The following TNIK variants were observed in gnomAD, a reference collection of about 807,000 sequenced individuals.
The protein encoded by TNIK is TRAF2 and NCK-interacting protein kinase.
Under a neutral mutation model 191.3 loss-of-function variants are expected in TNIK, and 49 were observed. That is an observed-to-expected ratio of 0.26 (90% CI 0.20 to 0.32). The LOEUF (loss-of-function observed/expected upper bound fraction) is 0.32, where lower values mean the gene tolerates loss of function less well. TNIK is among the 10% of genes least tolerant of loss of function. The pLI is 1.00. For synonymous variants in TNIK, 594 were observed against 600.9 expected, an observed-to-expected ratio of 0.99 and a Z score of 0.17; for missense variants, 1,155 against 1,702.3, an observed-to-expected ratio of 0.68 and a Z score of 5.66.
At chr3:171,100,604 A>T (rs376085204) in intron 22 of TNIK, among the ~76,000 whole-genome samples, 1 of 152,060 alleles carries the variant, frequency 6.6e-6, no homozygotes, top group African/African-American at 2.4e-5. Flanking sequence ...ATCTCATTCT[A>T]TCAAAGTTGT....
chr3:171,217,742 C>T (rs1479946135), intron 3 of TNIK, among the ~76,000 whole-genome samples: 4 of 152,044 alleles, frequency 2.6e-5, no homozygotes, highest in South Asian at 2.1e-4. Context: ...TGCAAAATTA[C>T]GACCATGAGA....
At chr3:171,338,848 G>A (rs942996284) in intron 2 of TNIK, among the ~76,000 whole-genome samples, 3 of 152,074 alleles carry the variant, frequency 2.0e-5, no homozygotes, top group Non-Finnish European at 4.4e-5. Context: ...CTACCGTACA[G>A]TGCAGAAGGT....
At position 171,460,064 on chromosome 3, in the gene TNIK, G is replaced by T. The variant is rs372769487; in HGVS notation, c.-1C>A. The T allele has an allele frequency of 6.2e-7, 1 of 1,605,992 alleles. No homozygotes were observed. The highest frequency in any genetic ancestry group is 1.3e-5 in the African/African-American group (1 of 74,898). ...TTCGAGCCGGGGAGTCGCTCGCCAT[G>T]TCTACTTCTTCGCTGGAGAAATGGA... is the stretch of plus-strand genomic sequence containing the variant. On this transcript the variant is annotated 5_prime_UTR_variant, in exon 1 of 33. Transcript: ENST00000436636. The surrounding 1 kb of genome is among the most constrained non-coding windows in gnomAD (Gnocchi z 6.8).
intron 1 of TNIK, among the ~76,000 whole-genome samples, chr3:171,425,962 G>A (rs181146806): frequency 1.3e-5 from 2 of 152,282 alleles, no homozygotes; most frequent in African/African-American, 4.8e-5. Flanking sequence ...TGGTGGGACT[G>A]TAAACTAGTT....
intron 2 of TNIK, among the ~76,000 whole-genome samples, chr3:171,230,308 A>T (rs1743463534): frequency 1.3e-5 from 2 of 152,222 alleles, no homozygotes; most frequent in African/African-American, 4.8e-5. Flanking sequence ...AGTGGACTTT[A>T]AAGTAATGGC....
rs577824108 is a variant in TNIK, at chr3:171,263,478, G to T, written c.124-35257C>A. The stretch of plus-strand genomic sequence containing the variant: ...ACAATTTTGAGAGAAAAAAAGGAGG[G>T]GGTTTTCAAATTTCAATGATGTTGC... On this transcript the variant is annotated intron_variant, in intron 2 of 32. Transcript: ENST00000436636. Among the ~76,000 whole-genome samples the T allele has an allele frequency of 4.6e-5, 7 of 152,074 alleles. No homozygotes were observed. The East Asian group carries it at 1.4e-3, about 29-fold the overall frequency.
intron 2 of TNIK, among the ~76,000 whole-genome samples, chr3:171,287,303 T>A (rs1471296224): frequency 6.6e-6 from 1 of 152,264 alleles, no homozygotes; most frequent in Non-Finnish European, 1.5e-5. Context: ...GTCCTATTTT[T>A]ATCATTGATT....
intron 1 of TNIK, among the ~76,000 whole-genome samples, chr3:171,401,813 G>C (rs1250921773): frequency 6.6e-6 from 1 of 152,180 alleles, no homozygotes; most frequent in African/African-American, 2.4e-5. Context: ...TAGGGCTGTT[G>C]GAAGAATTAA....
At chr3:171,441,095 G>A (rs939450717) in intron 1 of TNIK, among the ~76,000 whole-genome samples, 1 of 152,176 alleles carries the variant, frequency 6.6e-6, no homozygotes, top group Admixed American at 6.5e-5. Flanking sequence ...GTGTTGAAGA[G>A]ATGGCCTTCC....
intron 2 of TNIK, among the ~76,000 whole-genome samples, chr3:171,253,211 G>A (rs1291260464): frequency 6.7e-6 from 1 of 148,562 alleles, no homozygotes; most frequent in Non-Finnish European, 1.5e-5. Flanking sequence ...GTGAACCCAG[G>A]AGGCGGAACT....
intron 1 of TNIK, among the ~76,000 whole-genome samples, chr3:171,441,694 T>C (rs918574251): frequency 1.3e-5 from 2 of 152,226 alleles, no homozygotes; most frequent in African/African-American, 4.8e-5. Context: ...TGCTAGGTCG[T>C]GTAGTAAGTT....
rs74621190 is a variant in TNIK at position 171,139,955 on chromosome 3, C to A, written c.1333-399G>T. 4.2e-3 allele frequency among the ~76,000 whole-genome samples: 635 copies of A among 152,324 alleles called. 4 individuals carry two copies. The highest frequency in any genetic ancestry group is 0.037 in the Middle Eastern group (11 of 294). On this transcript the variant is annotated intron_variant, in intron 13 of 32. Coordinates refer to ENST00000436636, the MANE Select transcript of TNIK (RefSeq NM_015028.4). ...ACTGTTGAATGCCATCGTGCACTGT[C>A]TTTGTAATGGAACCATCCTGCAGAG...
intron 3 of TNIK, among the ~76,000 whole-genome samples, chr3:171,213,092 G>A (rs1007882115): frequency 5.9e-5 from 9 of 152,202 alleles, no homozygotes; most frequent in African/African-American, 1.9e-4. Flanking sequence ...CTTCTTAGCA[G>A]CCATCAGAAA....
At chr3:171,234,938 G>A (rs937419941) in intron 2 of TNIK, among the ~76,000 whole-genome samples, 35 of 152,288 alleles carry the variant, frequency 2.3e-4, no homozygotes, top group African/African-American at 8.2e-4. Flanking sequence ...CAAAAAATGA[G>A]CACAAAACCA....
intron 2 of TNIK, among the ~76,000 whole-genome samples, chr3:171,288,334 A>G (rs1751272014): frequency 1.4e-5 from 2 of 145,920 alleles, no homozygotes; most frequent in African/African-American, 5.6e-5. Flanking sequence ...AAAAAAAAAA[A>G]AGAAAATATT....
chr3:171,420,555 G>A (rs1443718825), intron 1 of TNIK, among the ~76,000 whole-genome samples: 2 of 152,104 alleles, frequency 1.3e-5, no homozygotes, highest in Non-Finnish European at 2.9e-5. Flanking sequence ...AGAATATGTG[G>A]ATGCCTGAAA....
At chr3:171,203,984 G>A (rs1226680885) in intron 4 of TNIK, among the ~76,000 whole-genome samples, 1 of 152,120 alleles carries the variant, frequency 6.6e-6, no homozygotes. Context: ...CCTGTATTAT[G>A]GTGGTATCAA....
In TNIK at chr3:171,282,334, G is replaced by GTTTTTTTTTTTTTTTTTTTTTTTTTTT. The variant is rs201489240; in HGVS notation, c.124-54114_124-54113insAAAAAAAAAAAAAAAAAAAAAAAAAAA. Among the ~76,000 whole-genome samples the GTTTTTTTTTTTTTTTTTTTTTTTTTTT allele has an allele frequency of 3.0e-4, 34 of 114,528 alleles. 4 individuals are homozygous for GTTTTTTTTTTTTTTTTTTTTTTTTTTT. The highest frequency in any genetic ancestry group is 4.5e-4 in the African/African-American group (13 of 28,904). The allele number at this position is 114,528 out of a possible 152,430, so 75.1% of individuals were successfully genotyped here. ...GAACTATCTGCAGATTCTCTTAATG[G>GTTTTTTTTTTTTTTTTTTTTTTTTTTT]TTTTTTGTTTTTTTTTTTTTTTTTG... On this transcript the variant is annotated intron_variant, in intron 2 of 32. Transcript: ENST00000436636.
chr3:171,394,188 C>A (rs1225382083), intron 1 of TNIK, among the ~76,000 whole-genome samples: 1 of 152,170 alleles, frequency 6.6e-6, no homozygotes, highest in Non-Finnish European at 1.5e-5. Flanking sequence ...CCAATGAATT[C>A]CCTTTACCTA....
Sources: allele counts gnomAD v4.1 joint callset (sites outside exome capture counted in the v4.1 genomes callset), GRCh38; gene constraint gnomAD v4.1.1; non-coding constraint Gnocchi (gnomAD v3.1); transcripts MANE v1.5; gene names NCBI Gene and HGNC (gene_info 2026-07-23, HGNC 2026-07-21).